Variants in KCNN2 observed in about 807,000 individuals in gnomAD.
The protein encoded by KCNN2 is small conductance calcium-activated potassium channel protein 2.
In KCNN2, 24 loss-of-function variants were observed where a neutral mutation model predicts 55.5. The ratio of observed to expected loss-of-function variants is 0.43; its 90% confidence interval spans 0.31 to 0.61. The LOEUF (loss-of-function observed/expected upper bound fraction) is 0.61. Among genes scored for constraint, KCNN2 ranks in the 20% least tolerant of loss-of-function variants. The pLI is 0.08. For synonymous variants in KCNN2, 431 were observed against 336.1 expected, an observed-to-expected ratio of 1.28 and a Z score of -3.09; for missense variants, 754 against 853.6, an observed-to-expected ratio of 0.88 and a Z score of 1.45.
At chr5:114,204,040 T>C (rs752609582) in intron 1 of KCNN2, among the ~76,000 whole-genome samples, 2 of 152,188 alleles carry the variant, frequency 1.3e-5, no homozygotes, top group South Asian at 2.1e-4. Flanking sequence ...CTTTAGAAAG[T>C]CATTTCCATT....
chr5:114,225,661 GA>G (rs548560610), intron 2 of KCNN2, among the ~76,000 whole-genome samples: 4 of 150,500 alleles, frequency 2.7e-5, no homozygotes, highest in Non-Finnish European at 5.9e-5. Flanking sequence ...CAAGGATAAA[GA>G]AAAAAATCCA....
At chr5:114,116,684 A>T (rs1277480502) in intron 1 of KCNN2, among the ~76,000 whole-genome samples, 1 of 152,164 alleles carries the variant, frequency 6.6e-6, no homozygotes, top group South Asian at 2.1e-4. Context: ...AATATTTAGT[A>T]ATTTAAACCT....
chr5:114,058,705 G>A (rs946057790), intron 1 of KCNN2, among the ~76,000 whole-genome samples: 2 of 152,150 alleles, frequency 1.3e-5, no homozygotes, highest in African/African-American at 4.8e-5. Context: ...AGATTAGAGA[G>A]GTGGACTGGG....
intron 2 of KCNN2, among the ~76,000 whole-genome samples, chr5:114,289,530 C>T (rs1391492242): frequency 2.0e-5 from 3 of 152,030 alleles, no homozygotes; most frequent in South Asian, 2.1e-4. Context: ...GCGTGCACCA[C>T]CATGCCTGGG....
intron 3 of KCNN2, among the ~76,000 whole-genome samples, chr5:114,445,454 C>A: frequency 6.6e-6 from 1 of 152,214 alleles, no homozygotes; most frequent in South Asian, 2.1e-4. Context: ...AGTTAAGAAA[C>A]AAACACTTTA....
Position 114,112,228 on chromosome 5 carries a change from G to A in KCNN2, c.-271+55728G>A, listed in dbSNP as rs907285976. Reference sequence around the variant, plus strand: ...TCATTTTCAGCAAACTATCACAACGGCAGAAAACCAAACACTGCATGTTCT... The same window carrying A: ...TCATTTTCAGCAAACTATCACAACGACAGAAAACCAAACACTGCATGTTCT... On this transcript the variant is annotated intron_variant, in intron 1 of 10. Coordinates refer to the KCNN2 transcript ENST00000512097. 4.0e-4 allele frequency among the ~76,000 whole-genome samples: 61 copies of A among 152,022 alleles called. 1 individual carries two copies. The highest frequency in any genetic ancestry group is 4.6e-4 in the Admixed American group (7 of 15,270).
intron 2 of KCNN2, among the ~76,000 whole-genome samples, chr5:114,347,225 A>T (rs188818392): frequency 6.6e-6 from 1 of 152,316 alleles, no homozygotes; most frequent in African/African-American, 2.4e-5. Flanking sequence ...TGAAATTATG[A>T]TAATTAATGC....
At chr5:114,240,007 G>A (rs10038399) in intron 2 of KCNN2, among the ~76,000 whole-genome samples, 126,552 of 152,206 alleles carry the variant, frequency 0.83, 52,676 homozygotes, top group East Asian at 0.9. Flanking sequence ...AAAAAATTGA[G>A]ACCTTCCCAG....
chr5:114,255,564 G>A (rs1754965191), intron 2 of KCNN2, among the ~76,000 whole-genome samples: 2 of 152,308 alleles, frequency 1.3e-5, no homozygotes, highest in South Asian at 4.1e-4. Flanking sequence ...GCAGGGCCTT[G>A]TAGGCTGCTA....
chr5:114,293,029 G>A (rs1448791884), intron 2 of KCNN2, among the ~76,000 whole-genome samples: 2 of 152,128 alleles, frequency 1.3e-5, no homozygotes, highest in South Asian at 2.1e-4. Flanking sequence ...TGTAATTTTT[G>A]CACATTGATT....
Position 114,362,661 on chromosome 5 carries a change from C to G in KCNN2, c.522C>G (p.Gly174=). 2 of 1,378,962 alleles carry G rather than the reference C, an allele frequency of 1.5e-6. No individual in the cohort carries two copies. Among genetic ancestry groups the G allele is most frequent in the Middle Eastern group, 2.0e-4 (1 of 4,942 alleles). 85.4% of individuals were successfully genotyped at this position (1,378,962 alleles called of 1,614,324 possible). The change falls in exon 1 of 8, where the codon GGC becomes GGG. Residue 174 remains glycine (G), a synonymous_variant. Transcript: ENST00000673685. ...QPAASPTGSL[G]SLGSGPPLSH... Reference sequence around the variant, plus strand: ...CCGCCAGCCCCACGGGCAGCCTCGGCAGTCTGGGCTCCGGGCCCCCGCTCT... The same window carrying G: ...CCGCCAGCCCCACGGGCAGCCTCGGGAGTCTGGGCTCCGGGCCCCCGCTCT...
intron 2 of KCNN2, among the ~76,000 whole-genome samples, chr5:114,285,209 A>ATTTTCT (rs1755715176): frequency 6.8e-6 from 1 of 146,486 alleles, no homozygotes; most frequent in Admixed American, 7.0e-5. Context: ...GTGTGAACCC[A>ATTTTCT]GGAGACAGAG....
At chr5:114,113,869 A>G (rs763718321) in intron 1 of KCNN2, among the ~76,000 whole-genome samples, 6 of 152,082 alleles carry the variant, frequency 3.9e-5, no homozygotes, top group Non-Finnish European at 5.9e-5. Context: ...TTCTGGTTTT[A>G]GTCAGGTAAA....
intron 2 of KCNN2, among the ~76,000 whole-genome samples, chr5:114,248,328 A>C (rs1181254493): frequency 6.6e-6 from 1 of 152,160 alleles, no homozygotes; most frequent in Non-Finnish European, 1.5e-5. Context: ...ATTTGCCTCA[A>C]TTAGAACTGA....
chr5:114,123,663 T>A (rs1440835381), intron 1 of KCNN2, among the ~76,000 whole-genome samples: 1 of 63,576 alleles, frequency 1.6e-5, no homozygotes, highest in Non-Finnish European at 3.3e-5. Context: ...GCGCCCGGCC[T>A]CATTTTCTTA....
chr5:114,251,669 A>T (rs1754863989), intron 2 of KCNN2, among the ~76,000 whole-genome samples: 1 of 152,188 alleles, frequency 6.6e-6, no homozygotes, highest in South Asian at 2.1e-4. Context: ...TCACGTGTGC[A>T]TTCCACCTGA....
chr5:114,293,862 A>G (rs1471134921), intron 2 of KCNN2, among the ~76,000 whole-genome samples: 1 of 152,146 alleles, frequency 6.6e-6, no homozygotes, highest in Non-Finnish European at 1.5e-5. Context: ...TATTGCCACA[A>G]TTTCAGAGCC....
At chr5:114,468,770 T>G (rs1761569872) in intron 4 of KCNN2, among the ~76,000 whole-genome samples, 2 of 152,196 alleles carry the variant, frequency 1.3e-5, no homozygotes, top group Non-Finnish European at 2.9e-5. Context: ...ACAGTTGAAA[T>G]AATCAAAACC....
intron 2 of KCNN2, among the ~76,000 whole-genome samples, chr5:114,255,686 G>T (rs545773183): frequency 1.3e-5 from 2 of 152,176 alleles, no homozygotes; most frequent in East Asian, 3.9e-4. Flanking sequence ...GTTGTAGAAG[G>T]GTGAGGTTGG....
Sources: gnomAD v4.1 joint callset for allele counts (sites outside exome capture counted in the v4.1 genomes callset) on GRCh38, gnomAD v4.1.1 for gene constraint, MANE v1.5 for transcripts, NCBI Gene and HGNC (gene_info 2026-07-23, HGNC 2026-07-21) for gene names.